ZNF804B: variants seen among roughly 807,000 people sequenced by gnomAD.
ZNF804B encodes zinc finger protein 804B.
In ZNF804B, 80 loss-of-function variants were observed where a neutral mutation model predicts 101.4. The ratio of observed to expected loss-of-function variants is 0.79; its 90% CI spans 0.66 to 0.95. ZNF804B has a LOEUF of 0.95. Among genes scored for constraint, ZNF804B ranks in the 40% least tolerant of loss-of-function variants. The probability of loss-of-function intolerance (pLI) is 0.00; values close to 1 mark genes in which losing one functional copy is unlikely to be tolerated. For synonymous variants in ZNF804B, 622 were observed against 558.8 expected, an observed-to-expected ratio of 1.11 and a Z score of -1.59; for missense variants, 1,673 against 1,561.9, an observed-to-expected ratio of 1.07 and a Z score of -1.20.
chr7:88,943,179 G>A (rs1172308274), intron 1 of ZNF804B, among the ~76,000 whole-genome samples: 2 of 151,888 alleles, frequency 1.3e-5, no homozygotes, highest in Non-Finnish European at 2.9e-5. Context: ...TCAGGACTTA[G>A]TAAATTTTTG....
In ZNF804B at chr7:88,886,510, G is replaced by A. The variant is rs891843703; in HGVS notation, c.108+126426G>A. Among the ~76,000 whole-genome samples the A allele has an allele frequency of 5.3e-5, 8 of 152,100 alleles. No individual in the cohort carries two copies. The South Asian group carries it at 1.7e-3, about 31-fold the overall frequency. On this transcript the variant is annotated intron_variant, in intron 1 of 3. Coordinates refer to ENST00000333190, the MANE Select transcript of ZNF804B (RefSeq NM_181646.5). ...ATTTTCTGCAGTGATAAATTTCAGAGCAAAAGGTTGACTTGAAATTTGATA... is the reference window on the plus strand; with the variant it reads ...ATTTTCTGCAGTGATAAATTTCAGAACAAAAGGTTGACTTGAAATTTGATA...
intron 1 of ZNF804B, among the ~76,000 whole-genome samples, chr7:88,825,725 T>C (rs1343598402): frequency 1.3e-5 from 2 of 152,166 alleles, no homozygotes; most frequent in African/African-American, 2.4e-5. Context: ...CCCAGCACTT[T>C]GAATTTTTAA....
intron 1 of ZNF804B, among the ~76,000 whole-genome samples, chr7:88,896,074 C>T (rs1442921529): frequency 6.6e-6 from 1 of 152,134 alleles, no homozygotes; most frequent in Admixed American, 6.5e-5. Flanking sequence ...CTGACAAGCA[C>T]TACCTTAGGC....
chr7:89,274,668 G>A (rs1414694711), intron 2 of ZNF804B, among the ~76,000 whole-genome samples: 1 of 151,634 alleles, frequency 6.6e-6, no homozygotes, highest in Non-Finnish European at 1.5e-5. Flanking sequence ...GCTTACTTTT[G>A]TACTTATCTC....
At chr7:88,871,277 A>G (rs1253671674) in intron 1 of ZNF804B, among the ~76,000 whole-genome samples, 1 of 152,178 alleles carries the variant, frequency 6.6e-6, no homozygotes, top group Non-Finnish European at 1.5e-5. Context: ...TCTATCTATT[A>G]GGGAATCTGA....
chr7:88,893,712 G>A (rs1792246221), intron 1 of ZNF804B, among the ~76,000 whole-genome samples: 1 of 152,150 alleles, frequency 6.6e-6, no homozygotes, highest in African/African-American at 2.4e-5. Context: ...AGCTTGAAAA[G>A]CTGTGTGTCA....
chr7:89,068,776 G>A (rs1789493075), intron 1 of ZNF804B, among the ~76,000 whole-genome samples: 1 of 152,208 alleles, frequency 6.6e-6, no homozygotes, highest in Admixed American at 6.5e-5. Context: ...ATCAGAATGT[G>A]TAATTGAGAA....
chr7:88,951,567 A>C (rs1793224226), intron 1 of ZNF804B, among the ~76,000 whole-genome samples: 1 of 151,950 alleles, frequency 6.6e-6, no homozygotes, highest in South Asian at 2.1e-4. Context: ...AAACGTTGAA[A>C]GTTTTAAGAT....
At chr7:89,127,081 A>G (rs144941940) in intron 1 of ZNF804B, among the ~76,000 whole-genome samples, 1 of 152,088 alleles carries the variant, frequency 6.6e-6, no homozygotes, top group African/African-American at 2.4e-5. Context: ...TGGAAAATAG[A>G]ACAGCTTATA....
At position 89,177,950 on chromosome 7, in the gene ZNF804B, C is replaced by T. The variant is rs770364886; in HGVS notation, c.109-40205C>T. On this transcript the variant is annotated intron_variant, in intron 1 of 3. Coordinates refer to ENST00000333190, the MANE Select transcript of ZNF804B (RefSeq NM_181646.5). The stretch of plus-strand genomic sequence containing the variant: ...ACTCTGTCTCAAAAAAAAAAAAGAA[C>T]AAAAAACAAATATTTGCTTTATGTT... Among the ~76,000 whole-genome samples, 8 of 151,226 alleles carry T rather than the reference C, an allele frequency of 5.3e-5. No individual in the cohort carries two copies. In the East Asian group the frequency reaches 1.4e-3, roughly 26 times the overall value.
At chr7:89,027,821 G>A (rs1267393426) in intron 1 of ZNF804B, among the ~76,000 whole-genome samples, 1 of 152,178 alleles carries the variant, frequency 6.6e-6, no homozygotes, top group African/African-American at 2.4e-5. Context: ...GGTCAGATGA[G>A]TGTCCAGCCC....
Position 88,878,771 on chromosome 7 carries a change from A to G in ZNF804B, c.108+118687A>G, listed in dbSNP as rs1022295358. Among the ~76,000 whole-genome samples, 6 of 152,192 alleles carry G rather than the reference A, an allele frequency of 3.9e-5. No individual in the cohort carries two copies. In the South Asian group the frequency reaches 1.0e-3, roughly 26 times the overall value. On this transcript the variant is annotated intron_variant, in intron 1 of 3. Coordinates refer to ENST00000333190, the MANE Select transcript of ZNF804B (RefSeq NM_181646.5). The stretch of plus-strand genomic sequence containing the variant: ...GATAAATTAGTAAAATCTTAATGAG[A>G]TAAATAAATCAGTTTGCCTTTGTAA...
chr7:88,909,781 T>A (rs1792522210), intron 1 of ZNF804B, among the ~76,000 whole-genome samples: 1 of 151,738 alleles, frequency 6.6e-6, no homozygotes, highest in Non-Finnish European at 1.5e-5. Context: ...TTAACTTACT[T>A]CCTTAGCAAT....
intron 1 of ZNF804B, among the ~76,000 whole-genome samples, chr7:88,839,379 C>T (rs1281124217): frequency 6.6e-6 from 1 of 151,898 alleles, no homozygotes; most frequent in Non-Finnish European, 1.5e-5. Context: ...CTAAATATAA[C>T]CTACCTTAGG....
At chr7:88,925,626 T>C (rs1792785815) in intron 1 of ZNF804B, among the ~76,000 whole-genome samples, 1 of 151,990 alleles carries the variant, frequency 6.6e-6, no homozygotes, top group Non-Finnish European at 1.5e-5. Flanking sequence ...ACTAGGATAT[T>C]AAAAAGTCGA....
intron 1 of ZNF804B, among the ~76,000 whole-genome samples, chr7:89,190,911 G>T (rs539100780): frequency 3.3e-5 from 5 of 152,182 alleles, no homozygotes; most frequent in African/African-American, 1.2e-4. Flanking sequence ...TGGAAGTAAT[G>T]CTATTGCACA....
intron 1 of ZNF804B, among the ~76,000 whole-genome samples, chr7:89,087,880 C>T (rs539997792): frequency 4.6e-5 from 7 of 151,830 alleles, no homozygotes; most frequent in Non-Finnish European, 7.4e-5. Flanking sequence ...AGAGGTTATA[C>T]AGGAAATGTC....
chr7:88,780,856 A>C, intron 1 of ZNF804B, among the ~76,000 whole-genome samples: 1 of 152,182 alleles, frequency 6.6e-6, no homozygotes, highest in African/African-American at 2.4e-5. Context: ...ATCTTTCTTC[A>C]CAGGAAGAAA....
intron 1 of ZNF804B, among the ~76,000 whole-genome samples, chr7:89,109,369 T>G (rs1405264860): frequency 6.6e-6 from 1 of 152,178 alleles, no homozygotes; most frequent in Non-Finnish European, 1.5e-5. Context: ...CATTAAATTT[T>G]ATATCATGAT....
Sources: allele counts gnomAD v4.1 joint callset (sites outside exome capture counted in the v4.1 genomes callset), GRCh38; gene constraint gnomAD v4.1.1; transcripts MANE v1.5; gene names NCBI Gene and HGNC (gene_info 2026-07-23, HGNC 2026-07-21).